UNC13C: variants seen among roughly 807,000 people sequenced by gnomAD.
UNC13C encodes unc-13 homolog C, also known as protein unc-13 homolog C.
UNC13C carries 174 observed loss-of-function variants against 245.4 expected under a neutral mutation model. The ratio of observed to expected loss-of-function variants is 0.71; its 90% CI spans 0.63 to 0.80. The LOEUF (loss-of-function observed/expected upper bound fraction) is 0.80. Ranked by LOEUF, UNC13C falls within the 30% of genes least tolerant of loss-of-function variation. UNC13C has a pLI of 0.00. For synonymous variants in UNC13C, 992 were observed against 895.1 expected, an observed-to-expected ratio of 1.11 and a Z score of -1.93; for missense variants, 2,829 against 2,602.9, an observed-to-expected ratio of 1.09 and a Z score of -1.89.
At chr15:54,507,280 C>G in intron 23 of UNC13C, 86 bp downstream of exon 23, 1 of 902,554 alleles carries the variant, frequency 1.1e-6, no homozygotes, top group Non-Finnish European at 1.7e-6. Context: ...AAATTGTTGA[C>G]TTTCAGTTTT....
chr15:54,322,235 A>C, intron 14 of UNC13C, 140 bp downstream of exon 14: 1 of 710,056 alleles, frequency 1.4e-6, no homozygotes, highest in Non-Finnish European at 2.1e-6. Context: ...TCCAGCTCAA[A>C]GTTCATTTGA....
the UNC13C span, among the ~76,000 whole-genome samples, chr15:53,950,868 C>G: frequency 1.3e-5 from 2 of 152,168 alleles, no homozygotes; most frequent in Non-Finnish European, 2.9e-5. Context: ...TAAGACAAGT[C>G]CATGTCTTCA....
the UNC13C span, among the ~76,000 whole-genome samples, chr15:53,899,623 C>T: frequency 6.6e-6 from 1 of 152,116 alleles, no homozygotes; most frequent in South Asian, 2.1e-4. Context: ...ACTCTTGTTG[C>T]CCAGGATCTC....
intron 12 of UNC13C, among the ~76,000 whole-genome samples, chr15:54,299,244 G>A (rs1052973713): frequency 9.9e-5 from 15 of 152,214 alleles, no homozygotes; most frequent in African/African-American, 3.4e-4. Context: ...CTAAGAAAAA[G>A]TCCTTCAGTT....
intron 13 of UNC13C, among the ~76,000 whole-genome samples, chr15:54,306,134 G>A (rs1261709950): frequency 3.3e-5 from 5 of 151,992 alleles, no homozygotes; most frequent in South Asian, 4.1e-4. Context: ...AGGACTGAAC[G>A]TCCCAGTGCT....
chr15:54,388,103 G>A (rs555450104), intron 17 of UNC13C, among the ~76,000 whole-genome samples: 75 of 152,112 alleles, frequency 4.9e-4, no homozygotes, highest in African/African-American at 1.5e-3. Context: ...GCTGAATGAC[G>A]AAACACAAAT....
At chr15:54,631,451 A>C (rs889830922), downstream of UNC13C, 2 of 152,232 alleles carry the variant, frequency 1.3e-5, no homozygotes, top group African/African-American at 4.8e-5. Context: ...ACAACAGTCA[A>C]GATATGGGAC....
intron 4 of UNC13C, among the ~76,000 whole-genome samples, chr15:54,203,965 A>G (rs1056495363): frequency 6.6e-6 from 1 of 151,580 alleles, no homozygotes. Context: ...CTACTCAGTC[A>G]TAAAAAGGAA....
At chr15:54,140,826 TAAG>T (rs10599424) in intron 2 of UNC13C, among the ~76,000 whole-genome samples, 55,697 of 151,930 alleles carry the variant, frequency 0.37, 10,277 homozygotes, top group Admixed American at 0.39. Context: ...TGGTGGGTTT[TAAG>T]AAGGAGAGTG....
At chr15:53,865,677 G>C in the UNC13C span, among the ~76,000 whole-genome samples, 2 of 152,010 alleles carry the variant, frequency 1.3e-5, no homozygotes, top group African/African-American at 4.8e-5. Flanking sequence ...AATGCTGAAG[G>C]CTTCAGTATT....
chr15:54,433,191 A>G (rs1350334364), intron 19 of UNC13C, among the ~76,000 whole-genome samples: 1 of 152,114 alleles, frequency 6.6e-6, no homozygotes, highest in Non-Finnish European at 1.5e-5. Context: ...TTCTAAAACT[A>G]TTCCAAACAA....
the UNC13C span, among the ~76,000 whole-genome samples, chr15:53,850,531 A>G: frequency 3.9e-5 from 6 of 152,326 alleles, no homozygotes; most frequent in East Asian, 1.9e-4. Flanking sequence ...TTCAAAATGT[A>G]TATTTCTGAT....
intron 17 of UNC13C, among the ~76,000 whole-genome samples, chr15:54,355,095 C>G (rs2039065281): frequency 6.6e-6 from 1 of 152,092 alleles, no homozygotes; most frequent in African/African-American, 2.4e-5. Context: ...CAGAGAGTCC[C>G]CACCAAGAAG....
intron 4 of UNC13C, among the ~76,000 whole-genome samples, chr15:54,233,729 C>A (rs1240654156): frequency 6.6e-6 from 1 of 152,130 alleles, no homozygotes; most frequent in Admixed American, 6.5e-5. Flanking sequence ...AACATAGAGG[C>A]CATCTCTCTG....
At chr15:54,015,954 C>T in intron 2 of UNC13C, 68 bp downstream of exon 2, 1 of 1,308,446 alleles carries the variant, frequency 7.6e-7, no homozygotes. Flanking sequence ...TTCTTTAGAG[C>T]ATGCTCTGTG....
intron 26 of UNC13C, among the ~76,000 whole-genome samples, chr15:54,537,743 C>T (rs114604141): frequency 2.1e-3 from 310 of 151,148 alleles, no homozygotes; most frequent in African/African-American, 7.5e-3. Context: ...GAAAGAACTT[C>T]CTAGTCAACA....
intron 19 of UNC13C, among the ~76,000 whole-genome samples, chr15:54,446,459 T>C (rs1890819592): frequency 6.6e-6 from 1 of 152,238 alleles, no homozygotes; most frequent in Non-Finnish European, 1.5e-5. Context: ...TTGTGTCCTC[T>C]TTTATTTCGT....
At chr15:54,176,496 C>A (rs1443094452) in intron 4 of UNC13C, among the ~76,000 whole-genome samples, 1 of 151,970 alleles carries the variant, frequency 6.6e-6, no homozygotes, top group African/African-American at 2.4e-5. Flanking sequence ...CCTGTCTAAC[C>A]CTTATGATAA....
intron 14 of UNC13C, among the ~76,000 whole-genome samples, chr15:54,327,577 C>G (rs2038329977): frequency 6.6e-6 from 1 of 151,864 alleles, no homozygotes; most frequent in Non-Finnish European, 1.5e-5. Flanking sequence ...GCAAGGCAAA[C>G]TTTATTCAAG....
Sources: gnomAD v4.1 joint callset for allele counts (sites outside exome capture counted in the v4.1 genomes callset) on GRCh38, gnomAD v4.1.1 for gene constraint, MANE v1.5 for transcripts, NCBI Gene and HGNC (gene_info 2026-07-23, HGNC 2026-07-21) for gene names.